The following ADAM10 variants were observed in gnomAD, a reference collection of about 807,000 sequenced individuals.
ADAM10 encodes ADAM metallopeptidase domain 10, also known as disintegrin and metalloproteinase domain-containing protein 10.
A neutral mutation model predicts 90.1 loss-of-function variants in ADAM10; 17 were observed. The ratio of observed to expected loss-of-function variants is 0.19; its 90% CI spans 0.13 to 0.28. The LOEUF (loss-of-function observed/expected upper bound fraction) is 0.28. Among genes scored for constraint, ADAM10 ranks in the 10% least tolerant of loss-of-function variants. The pLI is 1.00. For missense variants in ADAM10, 610 were observed against 914.3 expected (o/e 0.67, Z 4.29); for synonymous variants, 310 against 298.6 (o/e 1.04, Z -0.40).
intron 1 of ADAM10, among the ~76,000 whole-genome samples, chr15:58,718,841 C>G (rs149054511): frequency 7.4e-4 from 112 of 152,288 alleles, no homozygotes; most frequent in African/African-American, 2.6e-3. Flanking sequence ...TGAACTCCAG[C>G]CACTTTGGTC....
chr15:58,676,361 G>T (rs921133448), intron 4 of ADAM10: 1 of 453,166 alleles, frequency 2.2e-6, no homozygotes, highest in Non-Finnish European at 4.4e-6. Flanking sequence ...ATTCAATAAT[G>T]CAAGTAAAGA....
chr15:58,673,176 C>CA (rs1162062766), intron 4 of ADAM10, among the ~76,000 whole-genome samples: 1 of 152,112 alleles, frequency 6.6e-6, no homozygotes, highest in Non-Finnish European at 1.5e-5. Flanking sequence ...GACGGACAGA[C>CA]AGCCCATCCT....
chr15:58,702,890 G>A (rs1898172668), intron 2 of ADAM10, among the ~76,000 whole-genome samples: 1 of 152,140 alleles, frequency 6.6e-6, no homozygotes, highest in Admixed American at 6.5e-5. Context: ...ATTAAAGATT[G>A]TCACAATCCA....
intron 11 of ADAM10, among the ~76,000 whole-genome samples, chr15:58,620,132 T>C (rs1368398725): frequency 6.6e-6 from 1 of 152,050 alleles, no homozygotes; most frequent in Non-Finnish European, 1.5e-5. Flanking sequence ...CCCATTTTCA[T>C]ACTAAAATCA....
At chr15:58,718,105 T>G (rs1387380122) in intron 1 of ADAM10, among the ~76,000 whole-genome samples, 1 of 151,986 alleles carries the variant, frequency 6.6e-6, no homozygotes, top group Non-Finnish European at 1.5e-5. Context: ...CAGACCAGCC[T>G]GGTCAACATA....
intron 1 of ADAM10, among the ~76,000 whole-genome samples, chr15:58,722,409 T>G (rs1262573597): frequency 1.3e-5 from 2 of 151,660 alleles, no homozygotes; most frequent in African/African-American, 4.8e-5. Flanking sequence ...AATGATGGCA[T>G]GCACCTGTAA....
intron 5 of ADAM10, among the ~76,000 whole-genome samples, chr15:58,646,718 T>G (rs1302616433): frequency 6.6e-6 from 1 of 152,254 alleles, no homozygotes; most frequent in African/African-American, 2.4e-5. Context: ...AAACGCAAAT[T>G]TGAATATGTC....
At chr15:58,720,290 C>A (rs1046802783) in intron 1 of ADAM10, among the ~76,000 whole-genome samples, 1 of 152,108 alleles carries the variant, frequency 6.6e-6, no homozygotes, top group African/African-American at 2.4e-5. Flanking sequence ...AAGAATGAGT[C>A]CAAAACTATC....
chr15:58,745,063 G>A (rs144265550), intron 1 of ADAM10, among the ~76,000 whole-genome samples: 197 of 152,272 alleles, frequency 1.3e-3, no homozygotes, highest in East Asian at 0.012. Context: ...CGCACCTGTA[G>A]TCCTAGCTAC....
chr15:58,650,493 C>A (rs972570919), intron 5 of ADAM10, among the ~76,000 whole-genome samples: 16 of 152,046 alleles, frequency 1.1e-4, no homozygotes, highest in African/African-American at 3.6e-4. Flanking sequence ...CCTTCAAGGT[C>A]CCAACCAAAA....
At chr15:58,620,461 G>C (rs1487984328) in intron 11 of ADAM10, among the ~76,000 whole-genome samples, 1 of 148,982 alleles carries the variant, frequency 6.7e-6, no homozygotes, top group Non-Finnish European at 1.5e-5. Context: ...GTTTTTCTGA[G>C]ACTCCATCTC....
chr15:58,686,746 C>T lies in ADAM10; in HGVS notation c.207-4432G>A, dbSNP rs1409610043. On this transcript the variant is annotated intron_variant, in intron 2 of 15. Coordinates refer to ENST00000260408, the MANE Select transcript of ADAM10 (RefSeq NM_001110.4). ...TTTCAGCCCTTTCCTGTGGCCCCGT[C>T]CTATAGCCAAAATCACAGAAATTCA... The T allele has an allele frequency of 5.2e-6, 3 of 580,148 alleles. No individual in the cohort carries two copies. In the African/African-American group the frequency reaches 5.6e-5, roughly 11 times the overall value. 35.9% of individuals were successfully genotyped at this position (580,148 alleles called of 1,614,324 possible).
At chr15:58,731,500 C>G (rs949304565) in intron 1 of ADAM10, among the ~76,000 whole-genome samples, 5 of 152,066 alleles carry the variant, frequency 3.3e-5, no homozygotes, top group African/African-American at 1.2e-4. Context: ...TGGTGGCACA[C>G]ACTTGTTGTC....
chr15:58,727,099 T>C (rs1269263537), intron 1 of ADAM10, among the ~76,000 whole-genome samples: 1 of 150,576 alleles, frequency 6.6e-6, no homozygotes, highest in Admixed American at 6.6e-5. Context: ...CTCAACCTCC[T>C]AGCTTCAAGC....
chr15:58,692,151 G>C lies in ADAM10; in HGVS notation c.207-9837C>G, dbSNP rs541092133. 7.6e-6 allele frequency: 4 copies of C among 528,788 alleles called. No individual in the cohort carries two copies. In the East Asian group the frequency reaches 1.5e-4, roughly 20 times the overall value. The allele number at this position is 528,788 out of a possible 1,614,324, so 32.8% of individuals were successfully genotyped here. ...ATGATCCACACATGATGGACACAGA[G>C]TTGTTCATTTTCCTCTTGTTCTAAA... On this transcript the variant is annotated intron_variant, in intron 2 of 15. Transcript: ENST00000260408.
intron 14 of ADAM10, among the ~76,000 whole-genome samples, chr15:58,605,778 A>C (rs1287043952): frequency 6.6e-6 from 1 of 152,226 alleles, no homozygotes; most frequent in East Asian, 1.9e-4. Context: ...ATAATTCTAC[A>C]TAAGAAAAAG....
chr15:58,641,227 T>A (rs1410038767), intron 7 of ADAM10, among the ~76,000 whole-genome samples: 2 of 152,244 alleles, frequency 1.3e-5, no homozygotes, highest in African/African-American at 4.8e-5. Flanking sequence ...ACCAGATTCC[T>A]GAACACTGAA....
intron 9 of ADAM10, among the ~76,000 whole-genome samples, chr15:58,632,130 C>G (rs1012262783): frequency 2.0e-5 from 3 of 152,144 alleles, no homozygotes; most frequent in Admixed American, 6.5e-5. Context: ...CTTTAATAAG[C>G]TCTACCAAAA....
intron 10 of ADAM10, among the ~76,000 whole-genome samples, chr15:58,624,379 T>C (rs1192464556): frequency 1.3e-5 from 2 of 152,362 alleles, no homozygotes; most frequent in Admixed American, 1.3e-4. Flanking sequence ...CTAGTAATAA[T>C]TTTATAATTC....
Sources: gnomAD v4.1 joint callset for allele counts (sites outside exome capture counted in the v4.1 genomes callset) on GRCh38, gnomAD v4.1.1 for gene constraint, MANE v1.5 for transcripts, NCBI Gene and HGNC (gene_info 2026-07-23, HGNC 2026-07-21) for gene names.